The following MTO1 variants were observed in gnomAD, a reference collection of about 807,000 sequenced individuals.
MTO1 encodes the protein 5-taurinomethyluridine-[tRNA] synthase subunit MTO1, mitochondrial.
A neutral mutation model predicts 71.6 loss-of-function variants in MTO1; 46 were observed. That is an observed-to-expected ratio of 0.64 (90% CI 0.51 to 0.82). The LOEUF (loss-of-function observed/expected upper bound fraction) is 0.82. MTO1 is among the 40% of genes least tolerant of loss of function. The pLI is 0.00. For missense variants in MTO1, 773 were observed against 867.5 expected (o/e 0.89, Z 1.37); for synonymous variants, 297 against 312.1 (o/e 0.95, Z 0.51).
At chr6:73,483,001 C>T (rs1332326160) in intron 9 of MTO1, among the ~76,000 whole-genome samples, 1 of 151,840 alleles carries the variant, frequency 6.6e-6, no homozygotes, top group East Asian at 1.9e-4. Context: ...ACTGTGTTAG[C>T]CAGGATGGTC....
chr6:73,466,083 C>A, intron 1 of MTO1, 126 bp from the exon 2 acceptor site: 1 of 934,102 alleles, frequency 1.1e-6, no homozygotes, highest in Non-Finnish European at 1.6e-6. Flanking sequence ...TGTAGTATAT[C>A]TTTCACGTTT....
At chr6:73,475,186 C>T (rs1385022553) in intron 4 of MTO1, among the ~76,000 whole-genome samples, 1 of 152,012 alleles carries the variant, frequency 6.6e-6, no homozygotes, top group Non-Finnish European at 1.5e-5. Flanking sequence ...TGGTCTCGTA[C>T]TCCTGAGCTC....
chr6:73,471,499 C>G (rs774180807), intron 3 of MTO1: 2 of 449,126 alleles, frequency 4.5e-6, no homozygotes, highest in South Asian at 3.1e-5. Flanking sequence ...GCTGTAGCCT[C>G]GACCACCTGG....
chr6:73,462,344 G>GAGACTTCAAGAATA, intron 1 of MTO1: 4 of 402,280 alleles, frequency 9.9e-6, no homozygotes, highest in Admixed American at 9.0e-5. Flanking sequence ...GGGAAAGGGA[G>GAGACTTCAAGAATA]CTACCAACTA....
In MTO1 at chr6:73,507,635, A is replaced by G. The variant is rs1772321717; in HGVS notation, c.*6900A>G. On this transcript the variant is annotated 3_prime_UTR_variant, in exon 12 of 12. Coordinates refer to ENST00000498286, the MANE Select transcript of MTO1 (RefSeq NM_012123.4). ...TTCACAACACCTTTCTGCCACTTTC[A>G]GTGGATTTTTCCCTCCTAGGGACCA... 6.6e-6 allele frequency: 1 copy of G among 152,206 alleles called. No homozygotes were observed. Among genetic ancestry groups the G allele is most frequent in the Non-Finnish European group, 1.5e-5 (1 of 68,042 alleles). The allele number at this position is 152,206 out of a possible 1,614,324, so 9.4% of individuals were successfully genotyped here.
intron 9 of MTO1, chr6:73,486,674 G>A (rs1485097097): frequency 2.0e-5 from 8 of 392,494 alleles, no homozygotes; most frequent in Non-Finnish European, 4.1e-5. Flanking sequence ...GGAAGCGGAG[G>A]TTGCAGTGAG....
At position 73,479,980 on chromosome 6, in the gene MTO1, G is replaced by A. The variant is rs142148270; in HGVS notation, c.983G>A (p.Arg328His). Residue 328 changes from arginine to histidine, a missense_variant, in exon 6 of 12, where the codon CGT becomes CAT. Physicochemically the swap from Arg to His is conservative, Grantham distance 29 (BLOSUM62 0). Transcript: ENST00000498286. Reference protein sequence around the residue: ...IESKVLRFPNRLHQVWLEPEG... With the variant: ...IESKVLRFPNHLHQVWLEPEG... Reference sequence around the variant, plus strand: ...TCAAAAGTTTTGCGTTTTCCAAACCGTCTACATCAGGTTTGGTTGGAACCT... The same window carrying A: ...TCAAAAGTTTTGCGTTTTCCAAACCATCTACATCAGGTTTGGTTGGAACCT... The A allele has an allele frequency of 1.9e-4, 302 of 1,613,822 alleles. No homozygotes were observed. Among genetic ancestry groups the A allele is most frequent in the South Asian group, 9.2e-4 (84 of 91,044 alleles).
At position 73,482,227 on chromosome 6, in the gene MTO1, GC is replaced by G; in HGVS notation, c.1450del (p.Arg484GlyfsTer24). 1 of 1,614,108 alleles carries G rather than the reference GC, an allele frequency of 6.2e-7. No homozygotes were observed. Among genetic ancestry groups the G allele is most frequent in the South Asian group, 1.1e-5 (1 of 91,084 alleles). ...TCACTGCGCCCTGATAATGCTGACA[GC>G]CGGCTCACACTGCGAGGTAACTCTT... is the stretch of plus-strand genomic sequence containing the variant. Reference protein sequence around the residue: ...RLSLRPDNADSRLTLRGYKDA... With the variant: ...RLSLRPDNADXRLTLRGYKDA... On this transcript the variant is annotated frameshift_variant, in exon 8 of 12. Transcript: ENST00000498286. LOFTEE classifies it high-confidence loss of function.
intron 11 of MTO1, among the ~76,000 whole-genome samples, chr6:73,500,332 T>C (rs1488516201): frequency 6.6e-6 from 1 of 152,258 alleles, no homozygotes; most frequent in Non-Finnish European, 1.5e-5. Context: ...CTATTAGTTA[T>C]GTAATCTTGC....
At chr6:73,471,359 T>C (rs1171973819) in intron 3 of MTO1, 27 of 395,572 alleles carry the variant, frequency 6.8e-5, no homozygotes, top group Non-Finnish European at 3.9e-5. Flanking sequence ...TTCTTTATTT[T>C]CCAGATTTAA....
chr6:73,463,394 C>T (rs1178195476), intron 1 of MTO1, among the ~76,000 whole-genome samples: 1 of 152,122 alleles, frequency 6.6e-6, no homozygotes, highest in Non-Finnish European at 1.5e-5. Flanking sequence ...GTGTTTAGTA[C>T]TGGACAGTAC....
At chr6:73,487,467 C>T (rs1378458125) in intron 9 of MTO1, 1 of 150,610 alleles carries the variant, frequency 6.6e-6, no homozygotes, top group East Asian at 1.9e-4. Flanking sequence ...AGGCATGACC[C>T]ACCACACCTG....
Position 73,480,265 on chromosome 6 carries a change from TTTTGTTTG to T in MTO1, c.1129+155_1129+162del, listed in dbSNP as rs747583462. 6 of 924,362 alleles carry T rather than the reference TTTTGTTTG, an allele frequency of 6.5e-6. No individual in the cohort carries two copies. In the African/African-American group the frequency reaches 6.6e-5, roughly 10 times the overall value. The allele number at this position is 924,362 out of a possible 1,614,324, so 57.3% of individuals were successfully genotyped here. ...ACCTATACATTTTAAATAGTCTGTT[TTTTGTTTG>T]TTTGTTTGTTTGTTTTGAGACGGAG... On this transcript the variant is annotated intron_variant, in intron 6 of 11. Coordinates refer to ENST00000498286, the MANE Select transcript of MTO1 (RefSeq NM_012123.4).
rs992231257 is a variant in MTO1, at chr6:73,500,622, A to G, written c.1966A>G (p.Asn656Asp). 3 of 1,614,070 alleles carry G rather than the reference A, an allele frequency of 1.9e-6. No homozygotes were observed. The highest frequency in any genetic ancestry group is 2.2e-5 in the East Asian group (1 of 44,870). Residue 656 changes from asparagine to aspartate, a missense_variant, in exon 12 of 12, where the codon AAT becomes GAT. Transcript: ENST00000498286. ...IPGVTPAAII[N>D]LLRFVKTTQR... is the part of the protein sequence containing the mutation. ...CGGAGTAACACCTGCCGCCATCATCAATCTGCTGAGATTTGTGAAGACCAC... is the reference window on the plus strand; with the variant it reads ...CGGAGTAACACCTGCCGCCATCATCGATCTGCTGAGATTTGTGAAGACCAC...
Position 73,461,774 on chromosome 6 carries a change from C to G in MTO1, c.-81C>G. ...GATATTAAAGCAAGATGGCCGCGCCCTGCAGATTGTCTCTTGTTGCGTAAG... is the reference window on the plus strand; with the variant it reads ...GATATTAAAGCAAGATGGCCGCGCCGTGCAGATTGTCTCTTGTTGCGTAAG... On this transcript the variant is annotated 5_prime_UTR_variant, in exon 1 of 12. Coordinates refer to ENST00000498286, the MANE Select transcript of MTO1 (RefSeq NM_012123.4). 6.9e-7 allele frequency: 1 copy of G among 1,458,762 alleles called. No homozygotes were observed. Among genetic ancestry groups the G allele is most frequent in the South Asian group, 1.2e-5 (1 of 80,500 alleles). 90.4% of individuals were successfully genotyped at this position (1,458,762 alleles called of 1,614,324 possible). A position where few individuals can be genotyped will look rare whatever the true frequency, so the allele number is the denominator to read the frequency against.
At chr6:73,499,482 A>T (rs1453736721) in intron 11 of MTO1, among the ~76,000 whole-genome samples, 2 of 151,420 alleles carry the variant, frequency 1.3e-5, no homozygotes, top group African/African-American at 4.9e-5. Flanking sequence ...TGATTATACC[A>T]CTACATCCCA....
chr6:73,509,175 G>A lies in MTO1; in HGVS notation c.*8440G>A, dbSNP rs1379926395. On this transcript the variant is annotated 3_prime_UTR_variant, in exon 12 of 12. Transcript: ENST00000498286. ...ATTAGCCATCTGGTATTTAACCTCT[G>A]AAAACCACACAATCTTCTATACGCT... is the stretch of plus-strand genomic sequence containing the variant. The A allele has an allele frequency of 6.6e-6, 1 of 152,138 alleles. No homozygotes were observed. Among genetic ancestry groups the A allele is most frequent in the East Asian group, 1.9e-4 (1 of 5,196 alleles). 9.4% of individuals were successfully genotyped at this position (152,138 alleles called of 1,614,324 possible).
rs1255403954 is a variant in MTO1, at chr6:73,506,791, C to A, written c.*6056C>A. 1.5e-5 allele frequency: 2 copies of A among 136,966 alleles called. No individual in the cohort carries two copies. The highest frequency in any genetic ancestry group is 5.5e-5 in the African/African-American group (2 of 36,356). 8.5% of individuals were successfully genotyped at this position (136,966 alleles called of 1,614,324 possible). ...GCAAACTCTGCCTCCCGGGTTCAAG[C>A]GATTCTCTTGCCTCAGCCTCCTGAG... On this transcript the variant is annotated 3_prime_UTR_variant, in exon 12 of 12. Transcript: ENST00000498286.
At chr6:73,466,632 T>TG in intron 3 of MTO1, 26 bp downstream of exon 3, 2 of 1,560,480 alleles carry the variant, frequency 1.3e-6, no homozygotes, top group Non-Finnish European at 1.8e-6. Context: ...AGATGGTGTA[T>TG]GATAACAGCA....
Sources: allele counts gnomAD v4.1 joint callset (sites outside exome capture counted in the v4.1 genomes callset), GRCh38; gene constraint gnomAD v4.1.1; transcripts MANE v1.5; gene names NCBI Gene and HGNC (gene_info 2026-07-23, HGNC 2026-07-21).